The following TAPBP variants were observed in gnomAD, a reference collection of about 807,000 sequenced individuals.
TAPBP encodes TAP binding protein.
A neutral mutation model predicts 45.7 loss-of-function variants in TAPBP; 38 were observed. The observed-to-expected ratio is 0.83, with a 90% CI of 0.64 to 1.09. The LOEUF (loss-of-function observed/expected upper bound fraction) is 1.09. Among genes scored for constraint, TAPBP ranks in the 50% least tolerant of loss-of-function variants. TAPBP has a pLI of 0.00. For synonymous variants in TAPBP, 226 were observed against 254.8 expected (o/e 0.89, Z 1.08); for missense variants, 513 against 587.3 (o/e 0.87, Z 1.31).
rs1769484639 is a variant in TAPBP, at chr6:33,313,165, A to T, written c.469+52T>A. 1 of 1,561,494 alleles carries T rather than the reference A, an allele frequency of 6.4e-7. No individual in the cohort carries two copies. The highest frequency in any genetic ancestry group is 1.4e-5 in the African/African-American group (1 of 73,510). On this transcript the variant is annotated intron_variant, in intron 3 of 7. Transcript: ENST00000434618. This position sits in a 1 kb window ranked among gnomAD's most constrained non-coding sequence, Gnocchi z 7.2. Reference sequence around the variant, plus strand: ...GTCCATAAAGCGAGACCACCGGCTGATCTGGACCCTTAGAATCTACCCACC... The same window carrying T: ...GTCCATAAAGCGAGACCACCGGCTGTTCTGGACCCTTAGAATCTACCCACC...
Position 33,313,729 on chromosome 6 carries a change from G to T in TAPBP, c.173C>A (p.Pro58Gln). The change falls in exon 2 of 8, where the codon CCG becomes CAG. Residue 58 changes from proline to glutamine, a missense_variant. Transcript: ENST00000434618. This position sits in a 1 kb window ranked among gnomAD's most constrained non-coding sequence, Gnocchi z 7.2. ...RQGPGEPPPR[P>Q]DLDPELYLSV... ...GAGATAGAGCTCAGGGTCGAGGTCC[G>T]GCCGGGGCGGCGGTTCCCCCGGTCC... The T allele has an allele frequency of 6.2e-7, 1 of 1,613,472 alleles. No individual in the cohort carries two copies.
intron 7 of TAPBP, among the ~76,000 whole-genome samples, chr6:33,302,780 G>A (rs1768679311): frequency 6.6e-6 from 1 of 151,476 alleles, no homozygotes; most frequent in Admixed American, 6.6e-5. Context: ...CGAGTAGCTG[G>A]GATTACAGGT....
intron 7 of TAPBP, among the ~76,000 whole-genome samples, chr6:33,302,472 G>A (rs982142152): frequency 6.7e-6 from 1 of 150,328 alleles, no homozygotes; most frequent in East Asian, 2.0e-4. Context: ...TTACAGGTGT[G>A]CACCACCATG....
At chr6:33,307,126 A>G (rs1257920566) in intron 3 of TAPBP, among the ~76,000 whole-genome samples, 2 of 152,034 alleles carry the variant, frequency 1.3e-5, no homozygotes, top group African/African-American at 4.8e-5. Context: ...TGTCTCTACT[A>G]AAAATACAAA....
rs1428201724 is a variant in TAPBP, at chr6:33,304,325, G to A, written c.1182C>T (p.Arg394=). 1 of 1,606,270 alleles carries A rather than the reference G, an allele frequency of 6.2e-7. No individual in the cohort carries two copies. Among genetic ancestry groups the A allele is most frequent in the South Asian group, 1.1e-5 (1 of 90,210 alleles). ...CTACCTCCAGGGTGACCTCAGCGCT[G>A]CGCCCCGAGGCAGGCAGGCTGGGAT... ...IHHPSLPASG[R]SAEVTLEVAG... is the part of the protein sequence containing the mutation. The change falls in exon 5 of 8, where the codon CGC becomes CGT. Residue 394 remains arginine (R), a synonymous_variant. Transcript: ENST00000434618.
intron 7 of TAPBP, 42 bp downstream of exon 7, chr6:33,303,913 T>C (rs770197480): frequency 5.2e-5 from 84 of 1,613,716 alleles, no homozygotes; most frequent in Non-Finnish European, 6.8e-5. Flanking sequence ...GATGAGGAGA[T>C]AAAGTGACAA....
rs183632988 is a variant in TAPBP at position 33,309,334 on chromosome 6, G to A, written c.469+3883C>T. Among the ~76,000 whole-genome samples, 596 of 151,740 alleles carry A rather than the reference G, an allele frequency of 3.9e-3. 5 individuals are homozygous for A. Among genetic ancestry groups the A allele is most frequent in the Middle Eastern group, 0.017 (5 of 292 alleles). On this transcript the variant is annotated intron_variant, in intron 3 of 7. Transcript: ENST00000434618. ...TGGGAGGCGGAGGTTGTGGTGAGCC[G>A]AGATCATGCCATTGCCCTCCAGACT...
In TAPBP at chr6:33,304,177, G is replaced by T; in HGVS notation, c.1251C>A (p.Phe417Leu). Residue 417 changes from phenylalanine (F) to leucine (L), a missense_variant, in exon 6 of 8, where the codon TTC becomes TTA. Coordinates refer to ENST00000434618, the MANE Select transcript of TAPBP (RefSeq NM_003190.5). ...GCCCAAGCAGAAGAAAGGCAGACAGGAAAAGGCCTACGCTGTCCTCAAGGG... is the reference window on the plus strand; with the variant it reads ...GCCCAAGCAGAAGAAAGGCAGACAGTAAAAGGCCTACGCTGTCCTCAAGGG... ...GPSLEDSVGL[F>L]LSAFLLLGLF... 2.5e-6 allele frequency: 4 copies of T among 1,613,694 alleles called. No individual in the cohort carries two copies. Among genetic ancestry groups the T allele is most frequent in the Non-Finnish European group, 3.4e-6 (4 of 1,179,898 alleles).
At position 33,313,733 on chromosome 6, in the gene TAPBP, G is replaced by A. The variant is rs370062943; in HGVS notation, c.169C>T (p.Arg57Trp). The A allele has an allele frequency of 6.2e-6, 10 of 1,613,410 alleles. No individual in the cohort carries two copies. Among genetic ancestry groups the A allele is most frequent in the Non-Finnish European group, 7.6e-6 (9 of 1,179,978 alleles). The change falls in exon 2 of 8, where the codon CGG becomes TGG. Residue 57 changes from arginine (R) to tryptophan (W), a missense_variant. Coordinates refer to ENST00000434618, the MANE Select transcript of TAPBP (RefSeq NM_003190.5). This position sits in a 1 kb window ranked among gnomAD's most constrained non-coding sequence, Gnocchi z 7.2. ...TAGAGCTCAGGGTCGAGGTCCGGCCGGGGCGGCGGTTCCCCCGGTCCCTGG... is the reference window on the plus strand; with the variant it reads ...TAGAGCTCAGGGTCGAGGTCCGGCCAGGGCGGCGGTTCCCCCGGTCCCTGG... ...LRQGPGEPPP[R>W]PDLDPELYLS...
At chr6:33,308,011 T>A (rs1261887113) in intron 3 of TAPBP, 1 of 152,658 alleles carries the variant, frequency 6.6e-6, no homozygotes, top group Non-Finnish European at 1.5e-5. Context: ...TGCCTATCTT[T>A]TAAAAGAATC....
chr6:33,304,581 G>T lies in TAPBP; in HGVS notation c.926C>A (p.Ala309Glu), dbSNP rs772473192. ...ATLARAAPGEAPPELLCLVSH... is the reference protein window; with the variant it reads ...ATLARAAPGEEPPELLCLVSH... ...CACAAGGCAGAGCAATTCCGGGGGTGCCTCCCCTGGGGCGGCCCGTGCAAG... is the reference window on the plus strand; with the variant it reads ...CACAAGGCAGAGCAATTCCGGGGGTTCCTCCCCTGGGGCGGCCCGTGCAAG... Residue 309 changes from alanine to glutamate, a missense_variant, in exon 5 of 8, where the codon GCA (alanine) becomes GAA (glutamate). Physicochemically the swap from Ala to Glu is moderately radical, Grantham distance 107. Coordinates refer to ENST00000434618, the MANE Select transcript of TAPBP (RefSeq NM_003190.5). 4.9e-5 allele frequency: 79 copies of T among 1,602,094 alleles called. No individual in the cohort carries two copies. The highest frequency in any genetic ancestry group is 6.1e-5 in the Non-Finnish European group (72 of 1,178,516).
intron 3 of TAPBP, among the ~76,000 whole-genome samples, chr6:33,308,680 A>C (rs1769135787): frequency 6.6e-6 from 1 of 152,198 alleles, no homozygotes; most frequent in Non-Finnish European, 1.5e-5. Flanking sequence ...ACGGCTTGGA[A>C]TACAGCCCGA....
At position 33,313,656 on chromosome 6, in the gene TAPBP, G is replaced by T. The variant is rs201868334; in HGVS notation, c.208+38C>A. The T allele has an allele frequency of 1.1e-5, 17 of 1,589,706 alleles. No individual in the cohort carries two copies. The highest frequency in any genetic ancestry group is 2.2e-5 in the South Asian group (2 of 89,366). On this transcript the variant is annotated intron_variant, in intron 2 of 7. Coordinates refer to ENST00000434618, the MANE Select transcript of TAPBP (RefSeq NM_003190.5). The surrounding 1 kb of genome is among the most constrained non-coding windows in gnomAD (Gnocchi z 7.2). Reference sequence around the variant, plus strand: ...AAGAGGAGGGGGTTTCGGTGGAGGCGACAGAGGTAGGGGGGCGGCGAGTCC... The same window carrying T: ...AAGAGGAGGGGGTTTCGGTGGAGGCTACAGAGGTAGGGGGGCGGCGAGTCC...
At chr6:33,309,757 G>A (rs112554079) in intron 3 of TAPBP, among the ~76,000 whole-genome samples, 1,101 of 109,648 alleles carry the variant, frequency 0.01, 12 homozygotes, top group African/African-American at 0.036. Context: ...ACAGTTTCAC[G>A]CTTGTTGCCC....
intron 4 of TAPBP, 108 bp downstream of exon 4, chr6:33,304,881 C>T: frequency 6.6e-7 from 1 of 1,504,950 alleles, no homozygotes; most frequent in African/African-American, 1.4e-5. Context: ...CTTTCTATCT[C>T]TACTTACTTG....
At chr6:33,301,841 G>A (rs1368668590) in intron 7 of TAPBP, 70 bp from the exon 8 acceptor site, 31 of 1,609,302 alleles carry the variant, frequency 1.9e-5, no homozygotes, top group Non-Finnish European at 2.5e-5. Flanking sequence ...GGTCAGTTTA[G>A]AGACATATAA....
chr6:33,311,541 T>C (rs1769343476), intron 3 of TAPBP, among the ~76,000 whole-genome samples: 1 of 151,966 alleles, frequency 6.6e-6, no homozygotes, highest in Admixed American at 6.6e-5. Context: ...GGCAGGAGAA[T>C]TGCTTGAACC....
chr6:33,312,385 T>C (rs1484611810), intron 3 of TAPBP, among the ~76,000 whole-genome samples: 1 of 152,096 alleles, frequency 6.6e-6, no homozygotes, highest in Non-Finnish European at 1.5e-5. Context: ...GCTGTGTCGC[T>C]GACATAAAAT....
Position 33,304,478 on chromosome 6 carries a change from G to A in TAPBP, c.1029C>T (p.Ala343=), listed in dbSNP as rs375869909. The change falls in exon 5 of 8, where the codon GCC becomes GCT. Residue 343 remains alanine, a synonymous_variant. Coordinates refer to ENST00000434618, the MANE Select transcript of TAPBP (RefSeq NM_003190.5). ...RGGPGGRSQK[A]EGQRWLSALR... ...GGGCCGAGAGCCACCTCTGCCCCTC[G>A]GCCTTCTGAGAGCGGCCCCCTGGGC... 180 of 1,612,782 alleles carry A rather than the reference G, an allele frequency of 1.1e-4. No individual in the cohort carries two copies. Among genetic ancestry groups the A allele is most frequent in the Non-Finnish European group, 1.4e-4 (166 of 1,179,558 alleles).
Sources: allele counts gnomAD v4.1 joint callset (sites outside exome capture counted in the v4.1 genomes callset), GRCh38; gene constraint gnomAD v4.1.1; non-coding constraint Gnocchi (gnomAD v3.1); transcripts MANE v1.5; gene names NCBI Gene and HGNC (gene_info 2026-07-23, HGNC 2026-07-21).